Variants in NLGN1 observed in about 807,000 individuals in gnomAD.
NLGN1 encodes neuroligin-1.
Under a neutral mutation model 65.5 loss-of-function variants are expected in NLGN1, and 12 were observed. The observed-to-expected ratio is 0.18, with a 90% CI of 0.12 to 0.30. The LOEUF (loss-of-function observed/expected upper bound fraction) is 0.30, where lower values mean the gene tolerates loss of function less well. NLGN1 is among the 10% of genes least tolerant of loss of function. The probability of loss-of-function intolerance (pLI) is 1.00; values close to 1 mark genes in which losing one functional copy is unlikely to be tolerated. For missense variants in NLGN1, 750 were observed against 1,007.1 expected (o/e 0.74, Z 3.46); for synonymous variants, 350 against 359.5 (o/e 0.97, Z 0.30).
chr3:173,473,111 C>T (rs1476127675), intron 2 of NLGN1, among the ~76,000 whole-genome samples: 1 of 152,126 alleles, frequency 6.6e-6, no homozygotes, highest in Non-Finnish European at 1.5e-5. Flanking sequence ...CAATAGACAT[C>T]ATGTTAGTAA....
intron 4 of NLGN1, among the ~76,000 whole-genome samples, chr3:174,137,437 T>G (rs1721418403): frequency 6.6e-6 from 1 of 152,146 alleles, no homozygotes; most frequent in South Asian, 2.1e-4. Context: ...CTCTACCTAA[T>G]TAACTAGCCA....
At chr3:173,990,376 A>G (rs1196176101) in intron 4 of NLGN1, among the ~76,000 whole-genome samples, 1 of 152,202 alleles carries the variant, frequency 6.6e-6, no homozygotes, top group Non-Finnish European at 1.5e-5. Context: ...AGACACTTAC[A>G]AAAGGGTAAG....
intron 2 of NLGN1, among the ~76,000 whole-genome samples, chr3:173,570,121 A>G (rs1390076432): frequency 6.6e-6 from 1 of 152,184 alleles, no homozygotes; most frequent in Non-Finnish European, 1.5e-5. Context: ...CAAGAGTGGC[A>G]GTGAGGGGTG....
chr3:173,974,941 C>A (rs1163057436), intron 4 of NLGN1, among the ~76,000 whole-genome samples: 2 of 151,978 alleles, frequency 1.3e-5, no homozygotes, highest in Non-Finnish European at 2.9e-5. Context: ...GCCAATAACC[C>A]TTTTCTCACA....
At chr3:173,741,421 T>C (rs1774628489) in intron 3 of NLGN1, among the ~76,000 whole-genome samples, 1 of 152,158 alleles carries the variant, frequency 6.6e-6, no homozygotes, top group East Asian at 1.9e-4. Flanking sequence ...TGATAGTCTT[T>C]GAAGTGGCAT....
chr3:173,672,191 A>C (rs2149740001), intron 3 of NLGN1, among the ~76,000 whole-genome samples: 1 of 152,308 alleles, frequency 6.6e-6, no homozygotes, highest in South Asian at 2.1e-4. Flanking sequence ...ATTAGAATAA[A>C]ATAAAATAAA....
At chr3:174,257,882 C>T (rs891196955) in intron 4 of NLGN1, among the ~76,000 whole-genome samples, 7 of 149,732 alleles carry the variant, frequency 4.7e-5, no homozygotes, top group Non-Finnish European at 7.4e-5. Context: ...GGATGATCTG[C>T]GCAGCAACTT....
At chr3:173,578,893 AAAACATTTGAAAT>A (rs1745960301) in intron 2 of NLGN1, among the ~76,000 whole-genome samples, 1 of 152,248 alleles carries the variant, frequency 6.6e-6, no homozygotes, top group Non-Finnish European at 1.5e-5. Flanking sequence ...ATTATTAGCT[AAAACATTTGAAAT>A]TGGAAATTTC....
intron 2 of NLGN1, among the ~76,000 whole-genome samples, chr3:173,492,659 T>G (rs903606798): frequency 6.6e-5 from 10 of 151,796 alleles, no homozygotes; most frequent in Admixed American, 2.0e-4. Context: ...AGAAATATAA[T>G]TGGCAAGGGA....
chr3:174,085,390 A>G (rs1743035251), intron 4 of NLGN1, among the ~76,000 whole-genome samples: 1 of 152,158 alleles, frequency 6.6e-6, no homozygotes, highest in South Asian at 2.1e-4. Flanking sequence ...TCGTATCCTC[A>G]TAAGTCAGGT....
chr3:174,258,868 G>A (rs1746299361), intron 4 of NLGN1, among the ~76,000 whole-genome samples: 1 of 152,066 alleles, frequency 6.6e-6, no homozygotes, highest in Non-Finnish European at 1.5e-5. Flanking sequence ...GGGAGGAAAA[G>A]GAAGGAAGGA....
intron 4 of NLGN1, among the ~76,000 whole-genome samples, chr3:174,245,980 A>T (rs772587685): frequency 6.6e-6 from 1 of 152,186 alleles, no homozygotes; most frequent in Non-Finnish European, 1.5e-5. Flanking sequence ...ATTTGATTCA[A>T]TGTACGTTTA....
At chr3:173,723,079 G>A (rs1156659441) in intron 3 of NLGN1, among the ~76,000 whole-genome samples, 1 of 152,162 alleles carries the variant, frequency 6.6e-6, no homozygotes, top group Non-Finnish European at 1.5e-5. Context: ...GAACTGCAGA[G>A]GCAAAGGCTG....
chr3:174,096,600 A>G (rs1195571126), intron 4 of NLGN1, among the ~76,000 whole-genome samples: 2 of 152,174 alleles, frequency 1.3e-5, no homozygotes, highest in African/African-American at 4.8e-5. Flanking sequence ...TTCAAGGTGA[A>G]TGTTTAAATG....
At chr3:173,586,331 GTC>G (rs1218262148) in intron 2 of NLGN1, among the ~76,000 whole-genome samples, 2 of 152,156 alleles carry the variant, frequency 1.3e-5, no homozygotes, top group Non-Finnish European at 2.9e-5. Flanking sequence ...TACCACTGAA[GTC>G]TGTGTGTGTG....
In NLGN1 at chr3:173,763,866, C is replaced by T. The variant is rs192396356; in HGVS notation, c.494-43814C>T. On this transcript the variant is annotated intron_variant, in intron 3 of 6. Transcript: ENST00000457714. ...TGAGGAATGTTAATGAAAGAAGCAA[C>T]CTCACAACCCACTTACCCTTTCACA... is the stretch of plus-strand genomic sequence containing the variant. 1.7e-3 allele frequency among the ~76,000 whole-genome samples: 264 copies of T among 152,178 alleles called. 1 individual carries two copies. The highest frequency in any genetic ancestry group is 0.017 in the Middle Eastern group (5 of 294).
chr3:173,733,401 C>A (rs2150067507), intron 3 of NLGN1, among the ~76,000 whole-genome samples: 1 of 152,176 alleles, frequency 6.6e-6, no homozygotes, highest in Non-Finnish European at 1.5e-5. Context: ...AATGCCTTTT[C>A]ATTCCTTCTC....
At chr3:173,788,206 C>CAAAAAAAAAAAAAAAAAA (rs537790655) in intron 3 of NLGN1, among the ~76,000 whole-genome samples, 4 of 60,840 alleles carry the variant, frequency 6.6e-5, no homozygotes, top group Non-Finnish European at 1.1e-4. Flanking sequence ...TGACATTTTG[C>CAAAAAAAAAAAAAAAAAA]AAAAAAAAAA....
chr3:174,017,016 G>C (rs1205613977), intron 4 of NLGN1, among the ~76,000 whole-genome samples: 1 of 152,150 alleles, frequency 6.6e-6, no homozygotes, highest in Non-Finnish European at 1.5e-5. Context: ...AATACAATCT[G>C]AGAAACAAAC....
Sources: allele counts gnomAD v4.1 joint callset (sites outside exome capture counted in the v4.1 genomes callset), GRCh38; gene constraint gnomAD v4.1.1; transcripts MANE v1.5; gene names NCBI Gene and HGNC (gene_info 2026-07-23, HGNC 2026-07-21).